CHP1: variants seen among roughly 807,000 people sequenced by gnomAD.
CHP1 encodes calcineurin B homologous protein 1.
A neutral mutation model predicts 27.4 loss-of-function variants in CHP1; 11 were observed. That is an observed-to-expected ratio of 0.40 (90% CI 0.25 to 0.67). CHP1 has a LOEUF of 0.67. Ranked by LOEUF, CHP1 falls within the 30% of genes least tolerant of loss-of-function variation. The pLI, the probability that CHP1 is intolerant of heterozygous loss-of-function variation, is 0.38. For synonymous variants in CHP1, 89 were observed against 87.4 expected (o/e 1.02, Z -0.10); for missense variants, 169 against 251.3 (o/e 0.67, Z 2.22).
intron 2 of CHP1, among the ~76,000 whole-genome samples, chr15:41,246,765 C>A (rs548649087): frequency 6.8e-6 from 1 of 146,744 alleles, no homozygotes. Flanking sequence ...ATTAGCTGGG[C>A]GTGGTGGCAG....
At chr15:41,235,600 T>G (rs2140920595) in intron 1 of CHP1, among the ~76,000 whole-genome samples, 1 of 152,314 alleles carries the variant, frequency 6.6e-6, no homozygotes, top group East Asian at 1.9e-4. Context: ...TGAATGCAGA[T>G]TATTTTTAGT....
intron 2 of CHP1, chr15:41,256,589 C>T (rs1179365162): frequency 1.3e-5 from 4 of 296,860 alleles, no homozygotes; most frequent in South Asian, 3.7e-5. Flanking sequence ...TAACTAGGTA[C>T]GCAATGCTAA....
intron 2 of CHP1, among the ~76,000 whole-genome samples, chr15:41,243,976 GA>G (rs1453249334): frequency 3.3e-5 from 5 of 152,114 alleles, no homozygotes; most frequent in Non-Finnish European, 5.9e-5. Flanking sequence ...AAGGCGGGCG[GA>G]TCATGAGGCC....
intron 2 of CHP1, among the ~76,000 whole-genome samples, chr15:41,247,796 C>T (rs1165071643): frequency 2.0e-5 from 3 of 151,554 alleles, no homozygotes; most frequent in African/African-American, 4.9e-5. Context: ...AGTGAAACCC[C>T]GTCTCTACTA....
At chr15:41,257,687 A>G (rs936946854) in intron 3 of CHP1, among the ~76,000 whole-genome samples, 1 of 151,414 alleles carries the variant, frequency 6.6e-6, no homozygotes, top group African/African-American at 2.4e-5. Context: ...AGCCTCCGAG[A>G]TAGTTGGGAT....
chr15:41,251,024 G>T (rs549459209), intron 2 of CHP1, among the ~76,000 whole-genome samples: 6 of 151,776 alleles, frequency 4.0e-5, no homozygotes, highest in Non-Finnish European at 8.8e-5. Flanking sequence ...TAGTAGAGAC[G>T]GGTTTCACCA....
chr15:41,258,183 G>T (rs894517897), intron 3 of CHP1, among the ~76,000 whole-genome samples: 21 of 152,096 alleles, frequency 1.4e-4, no homozygotes, highest in African/African-American at 5.1e-4. Flanking sequence ...TTGTGTATGT[G>T]TGTTCACATA....
At chr15:41,259,826 C>T (rs927341381) in intron 3 of CHP1, among the ~76,000 whole-genome samples, 1 of 152,186 alleles carries the variant, frequency 6.6e-6, no homozygotes, top group Non-Finnish European at 1.5e-5. Flanking sequence ...GATCTTGGCT[C>T]ACCGCAACCT....
At chr15:41,266,550 G>T (rs2047461659) in intron 4 of CHP1, among the ~76,000 whole-genome samples, 1 of 152,130 alleles carries the variant, frequency 6.6e-6, no homozygotes, top group African/African-American at 2.4e-5. Context: ...GTGTTGAGGA[G>T]TATAGGCGGA....
chr15:41,236,386 T>G (rs569530304), intron 1 of CHP1, among the ~76,000 whole-genome samples: 1 of 152,192 alleles, frequency 6.6e-6, no homozygotes, highest in East Asian at 1.9e-4. Flanking sequence ...CTCAGCCTCC[T>G]GAGTAGCTGG....
chr15:41,278,675 A>G (rs904104444), intron 5 of CHP1, 92 bp from the exon 6 acceptor site: 1 of 1,517,946 alleles, frequency 6.6e-7, no homozygotes, highest in Non-Finnish European at 9.0e-7. Context: ...CATCAAAGGA[A>G]AAGGAGGATG....
intron 2 of CHP1, among the ~76,000 whole-genome samples, chr15:41,250,928 G>A (rs1485384250): frequency 1.3e-5 from 2 of 151,640 alleles, no homozygotes; most frequent in South Asian, 2.1e-4. Context: ...CACCGCTTCC[G>A]GGTTCAAGTG....
intron 2 of CHP1, among the ~76,000 whole-genome samples, chr15:41,256,274 C>T (rs181429108): frequency 1.3e-3 from 194 of 152,274 alleles, no homozygotes; most frequent in South Asian, 1.7e-3. Flanking sequence ...TGACAATATT[C>T]GCTTTGGTAT....
intron 1 of CHP1, among the ~76,000 whole-genome samples, chr15:41,232,112 T>C (rs1252578630): frequency 6.6e-6 from 1 of 152,164 alleles, no homozygotes; most frequent in Non-Finnish European, 1.5e-5. Context: ...TAATCTCATA[T>C]ATGTATTGAT....
intron 4 of CHP1, among the ~76,000 whole-genome samples, chr15:41,263,262 G>T (rs182308714): frequency 1.3e-5 from 2 of 152,312 alleles, no homozygotes; most frequent in African/African-American, 4.8e-5. Flanking sequence ...CGTGTGCCAG[G>T]CACTGTGTTA....
At chr15:41,256,775 T>C (rs1216572177) in intron 2 of CHP1, 135 bp from the exon 3 acceptor site, 1 of 717,060 alleles carries the variant, frequency 1.4e-6, no homozygotes, top group Non-Finnish European at 2.5e-6. Flanking sequence ...TTTGCAGTTA[T>C]TTGGTATAAT....
chr15:41,273,626 C>T (rs2047502804), intron 5 of CHP1, among the ~76,000 whole-genome samples: 1 of 151,594 alleles, frequency 6.6e-6, no homozygotes, highest in Admixed American at 6.6e-5. Flanking sequence ...GGTGATCCAC[C>T]TGCCTCGGCC....
At chr15:41,246,697 C>T (rs9672272) in intron 2 of CHP1, among the ~76,000 whole-genome samples, 17,655 of 137,002 alleles carry the variant, frequency 0.13, 1,765 homozygotes, top group African/African-American at 0.28. Context: ...ATCCTGACCT[C>T]GTGATGCACC....
chr15:41,267,246 A>C (rs546121375), intron 4 of CHP1, among the ~76,000 whole-genome samples: 3 of 152,114 alleles, frequency 2.0e-5, no homozygotes, highest in East Asian at 3.9e-4. Flanking sequence ...AAGATGCAGA[A>C]GTTATGGGGA....
Sources: allele counts gnomAD v4.1 joint callset (sites outside exome capture counted in the v4.1 genomes callset), GRCh38; gene constraint gnomAD v4.1.1; transcripts MANE v1.5; gene names NCBI Gene and HGNC (gene_info 2026-07-23, HGNC 2026-07-21).